IQGAP3: variants seen among roughly 807,000 people sequenced by gnomAD.
The protein encoded by IQGAP3 is IQ motif containing GTPase activating protein 3, also known as ras GTPase-activating-like protein IQGAP3.
A neutral mutation model predicts 208.2 loss-of-function variants in IQGAP3; 165 were observed. The observed-to-expected ratio is 0.79, with a 90% CI of 0.70 to 0.90. The LOEUF (loss-of-function observed/expected upper bound fraction) is 0.90, where lower values mean the gene tolerates loss of function less well. Among genes scored for constraint, IQGAP3 ranks in the 40% least tolerant of loss-of-function variants. The pLI, the probability that IQGAP3 is intolerant of heterozygous loss-of-function variation, is 0.00. For synonymous variants in IQGAP3, 703 were observed against 803.6 expected, an observed-to-expected ratio of 0.87 and a Z score of 2.12; for missense variants, 1,811 against 2,043.1, an observed-to-expected ratio of 0.89 and a Z score of 2.19.
chr1:156,561,091 G>T, intron 10 of IQGAP3, 70 bp from the exon 11 acceptor site: 1 of 1,111,268 alleles, frequency 9.0e-7, no homozygotes, highest in African/African-American at 1.5e-5. Flanking sequence ...CGAGTTGCCA[G>T]CATGAGCTCC....
In IQGAP3 at chr1:156,552,897, G is replaced by T. The variant is rs557706225; in HGVS notation, c.1449-802C>A. On this transcript the variant is annotated intron_variant, in intron 13 of 37. Transcript: ENST00000361170. ...AAGACCAGCCTGGGCAACGTACAGA[G>T]ATCCTATCTCTACAAAAAATTAAAA... is the stretch of plus-strand genomic sequence containing the variant. Among the ~76,000 whole-genome samples the T allele has an allele frequency of 4.6e-5, 7 of 152,310 alleles. No homozygotes were observed. In the South Asian group the frequency reaches 1.5e-3, roughly 32 times the overall value.
chr1:156,563,942 G>A, intron 5 of IQGAP3, 118 bp from the exon 6 acceptor site: 1 of 725,284 alleles, frequency 1.4e-6, no homozygotes, highest in Non-Finnish European at 2.3e-6. Flanking sequence ...CTCAGCACCT[G>A]CCCTCAAGTC....
At chr1:156,569,754 C>T (rs911009284) in intron 1 of IQGAP3, among the ~76,000 whole-genome samples, 4 of 151,968 alleles carry the variant, frequency 2.6e-5, no homozygotes, top group African/African-American at 4.8e-5. Context: ...CTCCTGACCT[C>T]GTGATCCGCC....
intron 26 of IQGAP3, 22 bp from the exon 27 acceptor site, chr1:156,537,343 G>T (rs1175264679): frequency 1.3e-6 from 2 of 1,594,614 alleles, no homozygotes; most frequent in Non-Finnish European, 1.7e-6. Flanking sequence ...GAGAGACAAG[G>T]TGTAAGCAGG....
chr1:156,534,454 G>C (rs376547033), intron 29 of IQGAP3, 47 bp downstream of exon 29: 14 of 1,374,674 alleles, frequency 1.0e-5, no homozygotes, highest in Middle Eastern at 3.9e-4. Flanking sequence ...GGATGTCAAA[G>C]GTGAGAAGAG....
chr1:156,546,748 G>A (rs1675262022), intron 19 of IQGAP3, among the ~76,000 whole-genome samples: 1 of 152,184 alleles, frequency 6.6e-6, no homozygotes, highest in African/African-American at 2.4e-5. Context: ...GGTAGGACCA[G>A]GAGGCAAACT....
chr1:156,532,650 C>A (rs912144574), intron 32 of IQGAP3, among the ~76,000 whole-genome samples: 1 of 151,836 alleles, frequency 6.6e-6, no homozygotes, highest in African/African-American at 2.4e-5. Flanking sequence ...GAGTTTGAGG[C>A]CAGCTTGGGC....
chr1:156,555,826 T>A (rs976312290), intron 12 of IQGAP3, among the ~76,000 whole-genome samples: 1 of 152,234 alleles, frequency 6.6e-6, no homozygotes, highest in Admixed American at 6.5e-5. Flanking sequence ...TTAGTCACAA[T>A]GCTTTACTTC....
intron 1 of IQGAP3, 27 bp from the exon 2 acceptor site, chr1:156,569,490 A>G (rs777342747): frequency 2.9e-6 from 4 of 1,374,936 alleles, no homozygotes; most frequent in Non-Finnish European, 4.1e-6. Flanking sequence ...GATAAGGTCA[A>G]TGAAGAGAGC....
intron 37 of IQGAP3, among the ~76,000 whole-genome samples, chr1:156,527,164 C>T (rs1001447364): frequency 2.0e-5 from 3 of 151,314 alleles, no homozygotes; most frequent in African/African-American, 7.3e-5. Flanking sequence ...GGTAAAACAT[C>T]AGAGCAAAAA....
chr1:156,562,200 C>T (rs1214873763), intron 9 of IQGAP3, among the ~76,000 whole-genome samples, 199 bp from the exon 10 acceptor site: 13 of 152,008 alleles, frequency 8.6e-5, no homozygotes, highest in Non-Finnish European at 1.5e-5. Flanking sequence ...CGCCCCAGAC[C>T]CCAAGGATAT....
intron 2 of IQGAP3, among the ~76,000 whole-genome samples, chr1:156,568,360 A>T (rs549937715): frequency 5.4e-5 from 8 of 147,688 alleles, no homozygotes; most frequent in African/African-American, 2.0e-4. Context: ...GATTACAGGC[A>T]TGCACCACTG....
chr1:156,565,286 A>G (rs1180455291), intron 4 of IQGAP3, among the ~76,000 whole-genome samples: 8 of 152,218 alleles, frequency 5.3e-5, no homozygotes, highest in Non-Finnish European at 1.2e-4. Flanking sequence ...CCTAACCTCA[A>G]TATATCTTGG....
At chr1:156,562,474 G>T in intron 9 of IQGAP3, 113 bp downstream of exon 9, 1 of 842,898 alleles carries the variant, frequency 1.2e-6, no homozygotes, top group Non-Finnish European at 2.0e-6. Flanking sequence ...GCAAGAGTTG[G>T]CCCAAATGAG....
Position 156,540,875 on chromosome 1 carries a change from C to A in IQGAP3, c.2572G>T (p.Ala858Ser), listed in dbSNP as rs1198778761. Reference sequence around the variant, plus strand: ...TGCTGGCTTTGATTCAAGAGATGGGCAAATCTGCGTACCACACTGAGAGGA... The same window carrying A: ...TGCTGGCTTTGATTCAAGAGATGGGAAAATCTGCGTACCACACTGAGAGGA... ...HPPLSVVRRFAHLLNQSQQDF... is the reference protein window; with the variant it reads ...HPPLSVVRRFSHLLNQSQQDF... Residue 858 changes from alanine to serine, a missense_variant, in exon 23 of 38, where the codon GCC becomes TCC. Coordinates refer to ENST00000361170, the MANE Select transcript of IQGAP3 (RefSeq NM_178229.5). 1 of 1,614,010 alleles carries A rather than the reference C, an allele frequency of 6.2e-7. No homozygotes were observed. Among genetic ancestry groups the A allele is most frequent in the Non-Finnish European group, 8.5e-7 (1 of 1,180,020 alleles).
rs1474265096 is a variant in IQGAP3, at chr1:156,552,023, C to A, written c.1521G>T (p.Leu507=). The change falls in exon 14 of 38, where the codon CTG becomes CTT. Residue 507 remains leucine, a synonymous_variant. Transcript: ENST00000361170. The stretch of plus-strand genomic sequence containing the variant: ...CATTGACCTGGCTCACGGTGGCCTG[C>A]AGGTCATTCCAGCTCAGGAAGTCCT... ...MGEDFLSWND[L]QATVSQVNAQ... 1.9e-6 allele frequency: 3 copies of A among 1,614,202 alleles called. No individual in the cohort carries two copies. The South Asian group carries it at 3.3e-5, about 18-fold the overall frequency.
At chr1:156,528,374 C>T in intron 36 of IQGAP3, 135 bp downstream of exon 36, 1 of 676,950 alleles carries the variant, frequency 1.5e-6, no homozygotes, top group Non-Finnish European at 2.6e-6. Flanking sequence ...CATGCTCTGT[C>T]TCCACCATCA....
At chr1:156,561,682 A>G (rs1171544) in intron 10 of IQGAP3, among the ~76,000 whole-genome samples, 156 bp downstream of exon 10, 146,425 of 152,252 alleles carry the variant, frequency 0.96, 70,677 homozygotes, top group East Asian at 1. Context: ...AAGCTGATCA[A>G]TCTGGTCTAC....
rs370104469 is a variant in IQGAP3, at chr1:156,526,580, T to C, written c.4802A>G (p.Tyr1601Cys). 1.2e-5 allele frequency: 20 copies of C among 1,613,884 alleles called. No individual in the cohort carries two copies. The African/African-American group carries it at 2.7e-4, about 21-fold the overall frequency. The change falls in exon 38 of 38, where the codon TAT becomes TGT. Residue 1601 changes from tyrosine to cysteine, a missense_variant. Physicochemically the swap from Tyr to Cys is radical, Grantham distance 194. Transcript: ENST00000361170. ...LHYQDLLQLQYEGVAVMKLFN... is the reference protein window; with the variant it reads ...LHYQDLLQLQCEGVAVMKLFN... ...GAGTTTCATGACAGCCACACCCTCATACTGGAGCTGCAGGAGATCCTAGGA... is the reference window on the plus strand; with the variant it reads ...GAGTTTCATGACAGCCACACCCTCACACTGGAGCTGCAGGAGATCCTAGGA...
Sources: gnomAD v4.1 joint callset for allele counts (sites outside exome capture counted in the v4.1 genomes callset) on GRCh38, gnomAD v4.1.1 for gene constraint, MANE v1.5 for transcripts, NCBI Gene and HGNC (gene_info 2026-07-23, HGNC 2026-07-21) for gene names.